The following ZNF438 variants were observed in gnomAD, a reference collection of about 807,000 sequenced individuals.
ZNF438 encodes the protein zinc finger protein 438.
A neutral mutation model predicts 38.0 loss-of-function variants in ZNF438; 25 were observed. The observed-to-expected ratio is 0.66, with a 90% CI of 0.48 to 0.92. The LOEUF (loss-of-function observed/expected upper bound fraction) is 0.92. Ranked by LOEUF, ZNF438 falls within the 40% of genes least tolerant of loss-of-function variation. ZNF438 has a pLI of 0.00. For synonymous variants in ZNF438, 372 were observed against 364.1 expected, an observed-to-expected ratio of 1.02 and a Z score of -0.25; for missense variants, 1,007 against 999.6, an observed-to-expected ratio of 1.01 and a Z score of -0.10.
chr10:31,030,808 G>A (rs1364394363), intron 1 of ZNF438, among the ~76,000 whole-genome samples: 1 of 152,208 alleles, frequency 6.6e-6, no homozygotes, highest in African/African-American at 2.4e-5. Context: ...AGGCATTATA[G>A]TCTAGTAATA....
At chr10:31,030,185 C>G (rs1176740981) in intron 1 of ZNF438, among the ~76,000 whole-genome samples, 2 of 152,204 alleles carry the variant, frequency 1.3e-5, no homozygotes, top group Non-Finnish European at 2.9e-5. Flanking sequence ...CTTTCCCTCA[C>G]ACTTCAAGTG....
At chr10:31,015,838 G>T (rs950492744) in intron 1 of ZNF438, among the ~76,000 whole-genome samples, 4 of 152,180 alleles carry the variant, frequency 2.6e-5, no homozygotes, top group African/African-American at 7.2e-5. Flanking sequence ...CTTGCTAGCA[G>T]ATGGCTGTAC....
intron 4 of ZNF438, among the ~76,000 whole-genome samples, chr10:30,874,589 T>G (rs140734812): frequency 6.6e-6 from 1 of 152,240 alleles, no homozygotes; most frequent in African/African-American, 2.4e-5. Flanking sequence ...GGGCAATTCA[T>G]AGGACTTACA....
intron 4 of ZNF438, among the ~76,000 whole-genome samples, chr10:30,870,141 T>C (rs1344913326): frequency 6.6e-6 from 1 of 152,256 alleles, no homozygotes; most frequent in African/African-American, 2.4e-5. Flanking sequence ...AGGCTTCTAC[T>C]GTGCTTTCAA....
chr10:30,934,155 A>C (rs1049529232), intron 2 of ZNF438, among the ~76,000 whole-genome samples: 1 of 83,836 alleles, frequency 1.2e-5, no homozygotes. Context: ...CAAAAAAAGA[A>C]AAAGAAAAAA....
chr10:30,984,526 C>T (rs2052556639), intron 1 of ZNF438, 100 bp from the exon 2 acceptor site: 1 of 151,910 alleles, frequency 6.6e-6, no homozygotes, highest in African/African-American at 2.4e-5. Context: ...TTTTTAATTA[C>T]TGTATATTTT....
intron 2 of ZNF438, among the ~76,000 whole-genome samples, chr10:30,915,626 G>A (rs979841299): frequency 1.3e-5 from 2 of 152,050 alleles, no homozygotes; most frequent in African/African-American, 4.8e-5. Flanking sequence ...AGATTTTTCA[G>A]GAAGTGCAGA....
At chr10:30,956,440 T>C (rs2048871095) in intron 1 of ZNF438, among the ~76,000 whole-genome samples, 1 of 152,184 alleles carries the variant, frequency 6.6e-6, no homozygotes, top group South Asian at 2.1e-4. Flanking sequence ...TCAAAGCTTC[T>C]CTTGTATTTT....
chr10:30,870,795 G>C (rs564559886), intron 4 of ZNF438, among the ~76,000 whole-genome samples: 181 of 152,232 alleles, frequency 1.2e-3, no homozygotes, highest in Non-Finnish European at 1.9e-3. Flanking sequence ...GTTCCTAATA[G>C]CCTTCTAGAA....
At chr10:31,014,413 A>G (rs2056007016) in intron 1 of ZNF438, among the ~76,000 whole-genome samples, 1 of 152,220 alleles carries the variant, frequency 6.6e-6, no homozygotes, top group Non-Finnish European at 1.5e-5. Context: ...TGGCAGCGGA[A>G]GAGCAAGAGT....
chr10:30,852,892 A>G (rs1439401523), intron 4 of ZNF438, among the ~76,000 whole-genome samples: 2 of 152,212 alleles, frequency 1.3e-5, no homozygotes, highest in Non-Finnish European at 2.9e-5. Flanking sequence ...TTCTTCCTAC[A>G]TAATTTTAAT....
chr10:30,848,086 C>T (rs1374842670), intron 5 of ZNF438, among the ~76,000 whole-genome samples: 4 of 152,194 alleles, frequency 2.6e-5, no homozygotes, highest in African/African-American at 9.6e-5. Context: ...AAAGGAATGA[C>T]ACCAGAAAGA....
At chr10:30,904,023 A>AG (rs1183914378) in intron 3 of ZNF438, among the ~76,000 whole-genome samples, 4 of 152,028 alleles carry the variant, frequency 2.6e-5, no homozygotes, top group African/African-American at 7.2e-5. Context: ...AGTTAAAAAA[A>AG]AAAAAAAGAC....
chr10:30,967,985 G>C (rs959591445), intron 1 of ZNF438, among the ~76,000 whole-genome samples: 1 of 152,194 alleles, frequency 6.6e-6, no homozygotes, highest in African/African-American at 2.4e-5. Flanking sequence ...CAGGAGCAGA[G>C]AGGGATGGAG....
chr10:30,943,791 C>T (rs746399951), intron 1 of ZNF438, among the ~76,000 whole-genome samples: 2 of 152,066 alleles, frequency 1.3e-5, no homozygotes, highest in Non-Finnish European at 2.9e-5. Context: ...TACTGGTGAG[C>T]AAAGGTACAC....
intron 1 of ZNF438, among the ~76,000 whole-genome samples, chr10:30,986,771 G>A (rs1419926658): frequency 6.6e-6 from 1 of 152,140 alleles, no homozygotes; most frequent in African/African-American, 2.4e-5. Flanking sequence ...TGAGCATCAT[G>A]TTGGCACTCA....
chr10:30,848,941 G>C (rs767909588), exon 5 of ZNF438: 2 of 1,614,036 alleles, frequency 1.2e-6, no homozygotes, highest in Non-Finnish European at 1.7e-6. Flanking sequence ...TGGGCTTAGG[G>C]GAAGAGCTGT....
chr10:30,884,710 A>G (rs1204794685), intron 3 of ZNF438, among the ~76,000 whole-genome samples: 1 of 152,246 alleles, frequency 6.6e-6, no homozygotes, highest in Non-Finnish European at 1.5e-5. Context: ...ATTTTAGTTA[A>G]TAAGCCATAT....
At chr10:30,855,157 G>A (rs2034397185) in intron 4 of ZNF438, among the ~76,000 whole-genome samples, 1 of 152,196 alleles carries the variant, frequency 6.6e-6, no homozygotes, top group Non-Finnish European at 1.5e-5. Flanking sequence ...CATAGGAAGA[G>A]CAAGGGCATT....
Sources: allele counts gnomAD v4.1 joint callset (sites outside exome capture counted in the v4.1 genomes callset), GRCh38; gene constraint gnomAD v4.1.1; transcripts MANE v1.5; gene names NCBI Gene and HGNC (gene_info 2026-07-23, HGNC 2026-07-21).